Variants in LEMD3 observed in about 807,000 individuals in gnomAD.
LEMD3 encodes the protein inner nuclear membrane protein Man1.
In LEMD3, 33 loss-of-function variants were observed where a neutral mutation model predicts 95.2. The observed-to-expected ratio is 0.35, with a 90% CI of 0.26 to 0.46. LEMD3 has a LOEUF of 0.46. Among genes scored for constraint, LEMD3 ranks in the 20% least tolerant of loss-of-function variants. The pLI is 1.00. For synonymous variants in LEMD3, 525 were observed against 474.6 expected (o/e 1.11, Z -1.38); for missense variants, 1,210 against 1,192.8 (o/e 1.01, Z -0.21).
intron 4 of LEMD3, among the ~76,000 whole-genome samples, chr12:65,220,665 T>A (rs1870257907): frequency 6.6e-6 from 1 of 152,254 alleles, no homozygotes; most frequent in Non-Finnish European, 1.5e-5. Context: ...AAGAAGCTTT[T>A]CTTCTATGTT....
At chr12:65,233,802 C>G (rs1870698675) in intron 4 of LEMD3, among the ~76,000 whole-genome samples, 1 of 152,068 alleles carries the variant, frequency 6.6e-6, no homozygotes, top group South Asian at 2.1e-4. Flanking sequence ...AAACTGTAAT[C>G]CAAGTTCAGA....
chr12:65,174,970 C>T (rs1273017605), intron 1 of LEMD3, among the ~76,000 whole-genome samples: 1 of 152,118 alleles, frequency 6.6e-6, no homozygotes, highest in Non-Finnish European at 1.5e-5. Flanking sequence ...CTTGAGGGAA[C>T]TAGCCTTTGA....
chr12:65,238,497 G>A lies in LEMD3; in HGVS notation c.1696-5G>A, dbSNP rs755777633. Reference sequence around the variant, plus strand: ...ATAGTTATTTTTCTCTATTTTTCTTGTTAGGATTTAGGTCCTGAATATGAA... The same window carrying A: ...ATAGTTATTTTTCTCTATTTTTCTTATTAGGATTTAGGTCCTGAATATGAA... On this transcript the variant is annotated splice_polypyrimidine_tract_variant and splice_region_variant and intron_variant, in intron 4 of 12. Coordinates refer to ENST00000308330, the MANE Select transcript of LEMD3 (RefSeq NM_014319.5). The A allele has an allele frequency of 1.9e-6, 3 of 1,560,994 alleles. No individual in the cohort carries two copies. Among genetic ancestry groups the A allele is most frequent in the Non-Finnish European group, 1.8e-6 (2 of 1,132,158 alleles).
At chr12:65,185,922 A>G (rs949754692) in intron 1 of LEMD3, among the ~76,000 whole-genome samples, 7 of 152,016 alleles carry the variant, frequency 4.6e-5, no homozygotes, top group Non-Finnish European at 1.0e-4. Flanking sequence ...GGAGTTTTCT[A>G]TCTCTCTAAG....
At chr12:65,183,868 A>T (rs1012998584) in intron 1 of LEMD3, among the ~76,000 whole-genome samples, 4 of 152,120 alleles carry the variant, frequency 2.6e-5, no homozygotes, top group South Asian at 2.1e-4. Context: ...ATGTTCCTTT[A>T]TACTTGTTCC....
intron 1 of LEMD3, among the ~76,000 whole-genome samples, chr12:65,172,806 A>T (rs1180356641): frequency 6.6e-6 from 1 of 151,194 alleles, no homozygotes; most frequent in Non-Finnish European, 1.5e-5. Flanking sequence ...GGTCACTGCA[A>T]CCTCCGCCTC....
At chr12:65,210,629 A>G (rs1396637252) in intron 1 of LEMD3, among the ~76,000 whole-genome samples, 1 of 152,204 alleles carries the variant, frequency 6.6e-6, no homozygotes, top group Admixed American at 6.5e-5. Context: ...ATGTTAGTTC[A>G]AAGAGACATT....
chr12:65,233,581 T>G (rs7975108), intron 4 of LEMD3, among the ~76,000 whole-genome samples: 44,209 of 152,002 alleles, frequency 0.29, 6,540 homozygotes, highest in Admixed American at 0.36. Flanking sequence ...TGCCATCTGA[T>G]GCATAGTGTA....
chr12:65,202,791 C>T (rs116166852), intron 1 of LEMD3, among the ~76,000 whole-genome samples: 28 of 152,138 alleles, frequency 1.8e-4, no homozygotes, highest in African/African-American at 5.3e-4. Context: ...TTGTGTCTTT[C>T]GAGGAATTGG....
rs1188065029 is a variant in LEMD3, at chr12:65,185,285, C to A, written c.1522+14167C>A. Among the ~76,000 whole-genome samples the A allele has an allele frequency of 2.0e-5, 3 of 152,054 alleles. No individual in the cohort carries two copies. The East Asian group carries it at 5.8e-4, about 29-fold the overall frequency. On this transcript the variant is annotated intron_variant, in intron 1 of 12. Transcript: ENST00000308330. ...GAGCCAATATGGAATCAGAGTTTAG[C>A]CCTGCCTCTCTAAATTGTTCTTTAT...
At chr12:65,180,936 A>G (rs749416369) in intron 1 of LEMD3, among the ~76,000 whole-genome samples, 3 of 151,480 alleles carry the variant, frequency 2.0e-5, no homozygotes, top group African/African-American at 7.4e-5. Context: ...AGCACATAGC[A>G]GAAAATTAAT....
At chr12:65,177,171 AATTC>A (rs1161243083) in intron 1 of LEMD3, among the ~76,000 whole-genome samples, 1 of 152,158 alleles carries the variant, frequency 6.6e-6, no homozygotes, top group Non-Finnish European at 1.5e-5. Context: ...GAGTAATGGC[AATTC>A]ATGGAGGTTA....
At chr12:65,233,695 C>T (rs1321224595) in intron 4 of LEMD3, among the ~76,000 whole-genome samples, 1 of 152,032 alleles carries the variant, frequency 6.6e-6, no homozygotes. Context: ...GTTTTTAGTC[C>T]TTGCTTGATT....
Position 65,170,763 on chromosome 12 carries a change from C to G in LEMD3, c.1167C>G (p.Thr389=). 1 of 1,614,178 alleles carries G rather than the reference C, an allele frequency of 6.2e-7. No homozygotes were observed. Among genetic ancestry groups the G allele is most frequent in the African/African-American group, 1.3e-5 (1 of 75,046 alleles). ...LDSSTGSLLK[T]NNHIGGGAFS... ...CGTCAACAGGCTCCCTTCTGAAAAC[C>G]AATAATCATATTGGCGGTGGGGCCT... Residue 389 remains threonine, a synonymous_variant, in exon 1 of 13, where the codon ACC becomes ACG. Transcript: ENST00000308330.
chr12:65,246,395 T>C lies in LEMD3; in HGVS notation c.*70T>C. The C allele has an allele frequency of 9.4e-6, 11 of 1,171,082 alleles. No homozygotes were observed. In the South Asian group the frequency reaches 1.3e-4, roughly 14 times the overall value. 72.5% of individuals were successfully genotyped at this position (1,171,082 alleles called of 1,614,324 possible). The stretch of plus-strand genomic sequence containing the variant: ...ATTCCTGTTTGGCTTTTTGTCTTCC[T>C]TTTTAAATGCTTTTTGTATGTAATA... On this transcript the variant is annotated 3_prime_UTR_variant, in exon 13 of 13. Coordinates refer to ENST00000308330, the MANE Select transcript of LEMD3 (RefSeq NM_014319.5).
intron 1 of LEMD3, among the ~76,000 whole-genome samples, chr12:65,175,391 A>G (rs1868686327): frequency 6.6e-6 from 1 of 151,432 alleles, no homozygotes; most frequent in African/African-American, 2.4e-5. Flanking sequence ...TCTAGTTGTT[A>G]CTCTTCTCAA....
chr12:65,240,633 A>G, intron 8 of LEMD3: 1 of 448,700 alleles, frequency 2.2e-6, no homozygotes, highest in East Asian at 4.1e-5. Context: ...TTTGAAAATA[A>G]AAGATAATTC....
intron 1 of LEMD3, among the ~76,000 whole-genome samples, chr12:65,174,086 G>C (rs1046138977): frequency 6.6e-6 from 1 of 152,106 alleles, no homozygotes; most frequent in Non-Finnish European, 1.5e-5. Context: ...AAGATTGTAG[G>C]TTATATGTGA....
rs1279453420 is a variant in LEMD3 at position 65,247,565 on chromosome 12, T to A, written c.*1240T>A. 1 of 152,190 alleles carries A rather than the reference T, an allele frequency of 6.6e-6. No homozygotes were observed. Among genetic ancestry groups the A allele is most frequent in the Non-Finnish European group, 1.5e-5 (1 of 68,000 alleles). The allele number at this position is 152,190 out of a possible 1,614,324, so 9.4% of individuals were successfully genotyped here. A position where few individuals can be genotyped will look rare whatever the true frequency, so the allele number is the denominator to read the frequency against. ...TGTTTATGATTTCAGATAAAAATAG[T>A]TGCTGAGTAAATTTTACTTGTAATC... On this transcript the variant is annotated 3_prime_UTR_variant, in exon 13 of 13. Coordinates refer to ENST00000308330, the MANE Select transcript of LEMD3 (RefSeq NM_014319.5).
Sources: allele counts gnomAD v4.1 joint callset (sites outside exome capture counted in the v4.1 genomes callset), GRCh38; gene constraint gnomAD v4.1.1; transcripts MANE v1.5; gene names NCBI Gene and HGNC (gene_info 2026-07-23, HGNC 2026-07-21).